The following KIAA1191 variants were observed in gnomAD, a reference collection of about 807,000 sequenced individuals.
The protein encoded by KIAA1191 is putative monooxygenase p33MONOX.
In KIAA1191, 22 loss-of-function variants were observed where a neutral mutation model predicts 31.1. That is an observed-to-expected ratio of 0.71 (90% CI 0.51 to 1.01). The LOEUF (loss-of-function observed/expected upper bound fraction) is 1.01. Among genes scored for constraint, KIAA1191 ranks in the 50% least tolerant of loss-of-function variants. The probability of loss-of-function intolerance (pLI) is 0.00; values close to 1 mark genes in which losing one functional copy is unlikely to be tolerated. For synonymous variants in KIAA1191, 130 were observed against 143.9 expected (o/e 0.90, Z 0.69); for missense variants, 319 against 388.0 (o/e 0.82, Z 1.49).
Position 176,359,520 on chromosome 5 carries a change from G to C in KIAA1191, c.-12C>G, listed in dbSNP as rs200042160. On this transcript the variant is annotated 5_prime_UTR_variant, in exon 3 of 9. In the 5' UTR this introduces an upstream ATG that the reference lacks. Transcript: ENST00000298569. ...TGTCTTGAAGCCATTGAAAGACTGG[G>C]ATCCAGGTGCTTTTTCTATACAGAA... 4.1e-4 allele frequency: 658 copies of C among 1,612,110 alleles called. 12 individuals carry two copies. The South Asian group carries it at 5.8e-3, about 14-fold the overall frequency.
At chr5:176,347,884 T>A (rs1427516192) in intron 8 of KIAA1191, 37 bp downstream of exon 8, 1 of 1,613,718 alleles carries the variant, frequency 6.2e-7, no homozygotes, top group East Asian at 2.2e-5. Flanking sequence ...GTAAGATGTC[T>A]GCCATGCTGC....
Position 176,352,714 on chromosome 5 carries a change from G to A in KIAA1191, c.242C>T (p.Ala81Val), listed in dbSNP as rs1482563998. The A allele has an allele frequency of 6.2e-7, 1 of 1,613,916 alleles. No individual in the cohort carries two copies. The highest frequency in any genetic ancestry group is 8.5e-7 in the Non-Finnish European group (1 of 1,179,884). ...GTCAATGGCTGATGACAGGGTCATG[G>A]CAGGGGAGGGTAGACTGGCCTCTCC... ...EEGEASLPSP[A>V]MTLSSAIDSV... The change falls in exon 5 of 9, where the codon GCC becomes GTC. Residue 81 changes from alanine to valine, a missense_variant. Ala to Val is a moderately conservative substitution (Grantham distance 64). Transcript: ENST00000298569.
In KIAA1191 at chr5:176,347,715, G is replaced by A. The variant is rs1445501127; in HGVS notation, c.803C>T (p.Ala268Val). The change falls in exon 9 of 9, where the codon GCA (alanine) becomes GTA (valine). Residue 268 changes from alanine (A) to valine (V), a missense_variant. Ala to Val is a moderately conservative substitution (Grantham distance 64). Coordinates refer to ENST00000298569, the MANE Select transcript of KIAA1191 (RefSeq NM_020444.5). ...AQANRMAEDPAALKPPKMDIP... is the reference protein window; with the variant it reads ...AQANRMAEDPVALKPPKMDIP... ...GTCCATCTTGGGGGGCTTCAAGGCT[G>A]CTGGATCTTCAGCCATTCGGTTGGC... 1 of 1,608,964 alleles carries A rather than the reference G, an allele frequency of 6.2e-7. No homozygotes were observed. Among genetic ancestry groups the A allele is most frequent in the Non-Finnish European group, 8.5e-7 (1 of 1,177,948 alleles).
rs1766543808 is a variant in KIAA1191 at position 176,346,798 on chromosome 5, T to A, written c.*802A>T. The A allele has an allele frequency of 6.6e-6, 1 of 152,244 alleles. No individual in the cohort carries two copies. The highest frequency in any genetic ancestry group is 1.5e-5 in the Non-Finnish European group (1 of 68,038). The allele number at this position is 152,244 out of a possible 1,614,324, so 9.4% of individuals were successfully genotyped here. ...GTCCCTGCCAAGTCTGGCTTTTACC[T>A]GTACCCAGGTCCCAAACAAACCTTG... On this transcript the variant is annotated 3_prime_UTR_variant, in exon 9 of 9. Coordinates refer to ENST00000298569, the MANE Select transcript of KIAA1191 (RefSeq NM_020444.5).
At chr5:176,359,420 T>A in intron 3 of KIAA1191, 61 bp downstream of exon 3, 1 of 1,498,822 alleles carries the variant, frequency 6.7e-7, no homozygotes, top group Non-Finnish European at 9.3e-7. Flanking sequence ...AAATGGTTTC[T>A]GTCTAGCTTA....
chr5:176,349,965 G>C (rs774825004), intron 6 of KIAA1191, among the ~76,000 whole-genome samples: 3 of 152,182 alleles, frequency 2.0e-5, no homozygotes, highest in Non-Finnish European at 4.4e-5. Flanking sequence ...GCTTTGGAAT[G>C]AGGAGGAAGA....
chr5:176,351,088 A>G (rs1308277134), intron 5 of KIAA1191, among the ~76,000 whole-genome samples: 1 of 152,176 alleles, frequency 6.6e-6, no homozygotes, highest in Non-Finnish European at 1.5e-5. Context: ...CACACCTGTA[A>G]TCCCAGCACT....
chr5:176,352,777 A>G (rs765419041), intron 4 of KIAA1191, 29 bp from the exon 5 acceptor site: 31 of 1,598,496 alleles, frequency 1.9e-5, no homozygotes, highest in South Asian at 1.6e-4. Context: ...GTACAGAAGC[A>G]CTTAGGCAGG....
intron 1 of KIAA1191, among the ~76,000 whole-genome samples, chr5:176,360,432 A>G (rs939997495): frequency 2.0e-5 from 3 of 151,640 alleles, no homozygotes; most frequent in African/African-American, 7.3e-5. Context: ...CTAGGATTAC[A>G]AGCGTGAGCC....
intron 3 of KIAA1191, among the ~76,000 whole-genome samples, chr5:176,358,773 G>A (rs1005836490): frequency 1.1e-4 from 16 of 152,044 alleles, no homozygotes; most frequent in Admixed American, 8.5e-4. Flanking sequence ...TTGGGAGGCC[G>A]AGGCAGGCAG....
chr5:176,348,543 T>TA (rs1443616602), intron 6 of KIAA1191, among the ~76,000 whole-genome samples, 187 bp from the exon 7 acceptor site: 2 of 147,922 alleles, frequency 1.4e-5, no homozygotes. Context: ...TCCATCTCCT[T>TA]AAAAAATGTG....
chr5:176,360,962 G>A (rs187639352), intron 1 of KIAA1191, among the ~76,000 whole-genome samples: 1 of 148,470 alleles, frequency 6.7e-6, no homozygotes, highest in Admixed American at 6.8e-5. Context: ...GTTAAAACGA[G>A]GGCCTGAGAA....
At chr5:176,360,889 C>T (rs1443073524) in intron 1 of KIAA1191, among the ~76,000 whole-genome samples, 4 of 152,058 alleles carry the variant, frequency 2.6e-5, no homozygotes, top group African/African-American at 9.7e-5. Flanking sequence ...GTAAATTTGT[C>T]CACGGTCACA....
chr5:176,359,451 CAT>C, intron 3 of KIAA1191, 28 bp downstream of exon 3: 1 of 1,608,920 alleles, frequency 6.2e-7, no homozygotes, highest in African/African-American at 1.3e-5. Context: ...AAGGGCAAAA[CAT>C]GATTTTACCA....
chr5:176,347,921 C>T lies in KIAA1191; in HGVS notation c.709G>A (p.Gly237Arg), dbSNP rs1383100913. The change falls in exon 8 of 9, where the codon GGA becomes AGA. Residue 237 changes from glycine to arginine, a missense_variant and splice_region_variant. Gly to Arg is a moderately radical substitution (Grantham distance 125). Transcript: ENST00000298569. ...GPRSLQKYDS[G>R]SFATQAYRGA... Reference sequence around the variant, plus strand: ...CTCTTTTTTGAAGGTGCTGCCTTACCAGAATCGTACTTCTGAAGGGATCTC... The same window carrying T: ...CTCTTTTTTGAAGGTGCTGCCTTACTAGAATCGTACTTCTGAAGGGATCTC... 12 of 1,614,072 alleles carry T rather than the reference C, an allele frequency of 7.4e-6. No individual in the cohort carries two copies. In the Middle Eastern group the frequency reaches 6.6e-4, roughly 89 times the overall value.
chr5:176,358,390 T>G (rs1767679258), intron 3 of KIAA1191, among the ~76,000 whole-genome samples: 1 of 152,260 alleles, frequency 6.6e-6, no homozygotes, highest in African/African-American at 2.4e-5. Flanking sequence ...AGTTTCATAC[T>G]ATGGCTGAGC....
chr5:176,348,259 T>C lies in KIAA1191; in HGVS notation c.557A>G (p.Gln186Arg), dbSNP rs537783444. ...PSTTPHSSPK[Q>R]RPRGWFTSGS... ...CACAGGAAGGGCTCACCTGGGCCTCTGCTTAGGTGAAGAGTGCGGAGTGGT... is the reference window on the plus strand; with the variant it reads ...CACAGGAAGGGCTCACCTGGGCCTCCGCTTAGGTGAAGAGTGCGGAGTGGT... The change falls in exon 7 of 9, where the codon CAG (glutamine) becomes CGG (arginine). Residue 186 changes from glutamine to arginine, a missense_variant. Coordinates refer to ENST00000298569, the MANE Select transcript of KIAA1191 (RefSeq NM_020444.5). The C allele has an allele frequency of 5.6e-6, 9 of 1,613,636 alleles. No individual in the cohort carries two copies. The highest frequency in any genetic ancestry group is 4.0e-5 in the African/African-American group (3 of 74,960).
In KIAA1191 at chr5:176,361,018, T is replaced by C. The variant is rs991445817; in HGVS notation, c.-168+584A>G. ...TTGCTACACCGTCCCTCTATCCCGATAGGACTCAGACAGAGCAAACAAGTT... is the reference window on the plus strand; with the variant it reads ...TTGCTACACCGTCCCTCTATCCCGACAGGACTCAGACAGAGCAAACAAGTT... On this transcript the variant is annotated intron_variant, in intron 1 of 8. Transcript: ENST00000298569. The surrounding 1 kb of genome is among the most constrained non-coding windows in gnomAD (Gnocchi z 4.0). 6.6e-6 allele frequency among the ~76,000 whole-genome samples: 1 copy of C among 151,992 alleles called. No homozygotes were observed. The highest frequency in any genetic ancestry group is 1.5e-5 in the Non-Finnish European group (1 of 68,004).
Position 176,352,643 on chromosome 5 carries a change from T to G in KIAA1191, c.313A>C (p.Ile105Leu). The G allele has an allele frequency of 6.2e-7, 1 of 1,613,898 alleles. No individual in the cohort carries two copies. The highest frequency in any genetic ancestry group is 1.1e-5 in the South Asian group (1 of 91,078). ...TTACTTGTGATCAGAGAATTCATGA[T>G]GACATGGGTAGCTTTAGCCTTCACC... Reference protein sequence around the residue: ...PVVKAKATHVIMNSLITKQTQ... With the variant: ...PVVKAKATHVLMNSLITKQTQ... The change falls in exon 5 of 9, where the codon ATC becomes CTC. Residue 105 changes from isoleucine to leucine, a missense_variant. By Grantham distance (5) the Ile-to-Leu change is conservative. Coordinates refer to ENST00000298569, the MANE Select transcript of KIAA1191 (RefSeq NM_020444.5).
Sources: allele counts gnomAD v4.1 joint callset (sites outside exome capture counted in the v4.1 genomes callset), GRCh38; gene constraint gnomAD v4.1.1; non-coding constraint Gnocchi (gnomAD v3.1); transcripts MANE v1.5; gene names NCBI Gene and HGNC (gene_info 2026-07-23, HGNC 2026-07-21).